Variants in EIF4G3 observed in about 807,000 individuals in gnomAD.
EIF4G3 encodes the protein eukaryotic translation initiation factor 4 gamma 3, also known as eIF-4-gamma 3.
EIF4G3 carries 34 observed loss-of-function variants against 186.4 expected under a neutral mutation model. The observed-to-expected ratio is 0.18, with a 90% CI of 0.14 to 0.24. EIF4G3 has a LOEUF of 0.24. EIF4G3 is among the 10% of genes least tolerant of loss of function. The pLI is 1.00. For synonymous variants in EIF4G3, 673 were observed against 679.5 expected, an observed-to-expected ratio of 0.99 and a Z score of 0.15; for missense variants, 1,536 against 1,948.5, an observed-to-expected ratio of 0.79 and a Z score of 3.99.
At chr1:21,079,543 G>C (rs1298848263) in intron 3 of EIF4G3, among the ~76,000 whole-genome samples, 1 of 150,976 alleles carries the variant, frequency 6.6e-6, no homozygotes, top group Admixed American at 6.6e-5. Context: ...AATTAGCCAG[G>C]AGTCATGATG....
At chr1:21,029,981 A>T (rs61779065) in intron 4 of EIF4G3, among the ~76,000 whole-genome samples, 43,885 of 152,056 alleles carry the variant, frequency 0.29, 8,092 homozygotes, top group Non-Finnish European at 0.41. Context: ...TCAGCCTCCC[A>T]AGTAGCTGAG....
chr1:20,917,007 T>C (rs2093950716), intron 14 of EIF4G3, among the ~76,000 whole-genome samples: 1 of 152,118 alleles, frequency 6.6e-6, no homozygotes, highest in Admixed American at 6.6e-5. Flanking sequence ...CCAAGAAAAA[T>C]GACAGCTTAT....
intron 19 of EIF4G3, among the ~76,000 whole-genome samples, chr1:20,884,136 AAAG>A (rs2083327376): frequency 6.6e-6 from 1 of 152,222 alleles, no homozygotes; most frequent in Admixed American, 6.5e-5. Context: ...TGTCAAGAAA[AAAG>A]AAGGTTGTAC....
chr1:20,982,911 T>C (rs2078615086), intron 7 of EIF4G3, among the ~76,000 whole-genome samples: 1 of 152,238 alleles, frequency 6.6e-6, no homozygotes, highest in African/African-American at 2.4e-5. Context: ...ACTAATCAGG[T>C]ATATAAGAGG....
At chr1:21,136,617 G>A (rs1174821590) in intron 2 of EIF4G3, among the ~76,000 whole-genome samples, 1 of 152,078 alleles carries the variant, frequency 6.6e-6, no homozygotes, top group African/African-American at 2.4e-5. Context: ...ACAATACAGT[G>A]CCCAAATGCC....
intron 2 of EIF4G3, among the ~76,000 whole-genome samples, chr1:21,137,711 C>G (rs2097270651): frequency 6.6e-6 from 1 of 151,386 alleles, no homozygotes; most frequent in Non-Finnish European, 1.5e-5. Context: ...CTCCCAGCTA[C>G]TCAGGAAGCT....
chr1:20,895,167 G>A (rs2087551610), intron 17 of EIF4G3, among the ~76,000 whole-genome samples: 1 of 151,238 alleles, frequency 6.6e-6, no homozygotes, highest in Non-Finnish European at 1.5e-5. Context: ...CTCCAACATG[G>A]GCCAAATCCC....
At chr1:21,009,201 G>A (rs577882750) in intron 4 of EIF4G3, among the ~76,000 whole-genome samples, 2 of 152,008 alleles carry the variant, frequency 1.3e-5, no homozygotes, top group South Asian at 4.2e-4. Flanking sequence ...TTTCCTTGGA[G>A]ACAGGGTCTC....
chr1:20,865,401 G>T, intron 20 of EIF4G3, 139 bp from the exon 21 acceptor site: 2 of 828,210 alleles, frequency 2.4e-6, no homozygotes, highest in South Asian at 2.0e-5. Flanking sequence ...TATAGCTTCA[G>T]GCATTTCATG....
chr1:21,149,805 G>A lies in EIF4G3; in HGVS notation c.-272+26370C>T, dbSNP rs1219922955. 3.9e-5 allele frequency among the ~76,000 whole-genome samples: 6 copies of A among 152,250 alleles called. No homozygotes were observed. The South Asian group carries it at 6.2e-4, about 16-fold the overall frequency. On this transcript the variant is annotated intron_variant, in intron 2 of 36. Coordinates refer to ENST00000602326, the MANE Select transcript of EIF4G3 (RefSeq NM_001391906.1). ...CCACTCCATCTCTGAGAGATAATTC[G>A]CATTTAAGTATGTTCACCCACCAAG... is the stretch of plus-strand genomic sequence containing the variant.
At chr1:21,152,485 C>T (rs1285925186) in intron 2 of EIF4G3, among the ~76,000 whole-genome samples, 1 of 151,524 alleles carries the variant, frequency 6.6e-6, no homozygotes, top group African/African-American at 2.4e-5. Context: ...AAAACGCCCC[C>T]TTACAGGGCC....
At chr1:21,098,989 C>T (rs774860051) in intron 2 of EIF4G3, among the ~76,000 whole-genome samples, 1 of 152,032 alleles carries the variant, frequency 6.6e-6, no homozygotes, top group Non-Finnish European at 1.5e-5. Flanking sequence ...AAAATATACA[C>T]GTCACAAATA....
intron 10 of EIF4G3, among the ~76,000 whole-genome samples, chr1:20,977,181 T>A (rs61781108): frequency 0.031 from 4,675 of 152,042 alleles, 124 homozygotes; most frequent in Non-Finnish European, 0.046. Context: ...ATGCACTCTA[T>A]ATTATTGAAA....
At chr1:20,850,515 T>C (rs1258466130) in intron 28 of EIF4G3, among the ~76,000 whole-genome samples, 2 of 152,216 alleles carry the variant, frequency 1.3e-5, no homozygotes, top group Non-Finnish European at 2.9e-5. Context: ...AAACTAAAAC[T>C]GCTATTACTT....
intron 2 of EIF4G3, among the ~76,000 whole-genome samples, chr1:21,107,586 T>C (rs1170301615): frequency 6.6e-6 from 1 of 152,240 alleles, no homozygotes; most frequent in African/African-American, 2.4e-5. Context: ...GCTATAATCT[T>C]AATAGGTCTG....
chr1:21,068,204 C>G, intron 3 of EIF4G3, among the ~76,000 whole-genome samples: 1 of 151,306 alleles, frequency 6.6e-6, no homozygotes, highest in East Asian at 1.9e-4. Context: ...GAAACCCTGT[C>G]TCTACTAAAA....
chr1:21,057,204 A>G (rs1020313717), intron 3 of EIF4G3, among the ~76,000 whole-genome samples: 2 of 152,240 alleles, frequency 1.3e-5, no homozygotes, highest in African/African-American at 4.8e-5. Context: ...ACCAGGGTAC[A>G]TGAACAAAAA....
intron 2 of EIF4G3, among the ~76,000 whole-genome samples, chr1:21,117,437 A>G (rs1245685629): frequency 6.6e-6 from 1 of 152,178 alleles, no homozygotes; most frequent in Non-Finnish European, 1.5e-5. Context: ...GCACTCAGCT[A>G]TAACAGTGTA....
At chr1:21,090,488 T>C (rs779229107) in intron 2 of EIF4G3, among the ~76,000 whole-genome samples, 1 of 152,186 alleles carries the variant, frequency 6.6e-6, no homozygotes, top group Non-Finnish European at 1.5e-5. Context: ...GACCAATACA[T>C]TTTAAAGAAC....
Sources: gnomAD v4.1 joint callset for allele counts (sites outside exome capture counted in the v4.1 genomes callset) on GRCh38, gnomAD v4.1.1 for gene constraint, MANE v1.5 for transcripts, NCBI Gene and HGNC (gene_info 2026-07-23, HGNC 2026-07-21) for gene names.